PTPRD: variants seen among roughly 807,000 people sequenced by gnomAD.
PTPRD encodes receptor-type tyrosine-protein phosphatase delta.
In PTPRD, 34 loss-of-function variants were observed where a neutral mutation model predicts 214.5. That is an observed-to-expected ratio of 0.16 (90% CI 0.12 to 0.21). The LOEUF (loss-of-function observed/expected upper bound fraction) is 0.21. Among genes scored for constraint, PTPRD ranks in the 10% least tolerant of loss-of-function variants. The pLI is 1.00. For synonymous variants in PTPRD, 1,128 were observed against 845.7 expected (o/e 1.33, Z -5.79); for missense variants, 2,545 against 2,398.7 (o/e 1.06, Z -1.27).
chr9:10,421,324 T>A (rs940764710), intron 2 of PTPRD, among the ~76,000 whole-genome samples: 1 of 151,878 alleles, frequency 6.6e-6, no homozygotes, highest in African/African-American at 2.4e-5. Flanking sequence ...CACACACTCA[T>A]GTTTATTCTT....
rs911752723 is a variant in PTPRD, at chr9:9,459,733, T to A, written c.-236-62251A>T. On this transcript the variant is annotated intron_variant, in intron 8 of 45. Transcript: ENST00000381196. ...ATAGAAAACATCCCATGCTCATGAATAGGAATAATCAATATCATTAAAATG... is the reference window on the plus strand; with the variant it reads ...ATAGAAAACATCCCATGCTCATGAAAAGGAATAATCAATATCATTAAAATG... 2.0e-4 allele frequency among the ~76,000 whole-genome samples: 30 copies of A among 152,226 alleles called. 1 individual carries two copies. Among genetic ancestry groups the A allele is most frequent in the Admixed American group, 8.5e-4 (13 of 15,268 alleles).
chr9:9,605,253 T>C (rs2094073949), intron 7 of PTPRD, among the ~76,000 whole-genome samples: 4 of 152,192 alleles, frequency 2.6e-5, no homozygotes, highest in Non-Finnish European at 4.4e-5. Context: ...CGATTCAGTG[T>C]ACCTAATATG....
chr9:8,798,128 T>C (rs1444086060), intron 11 of PTPRD, among the ~76,000 whole-genome samples: 1 of 152,186 alleles, frequency 6.6e-6, no homozygotes, highest in Non-Finnish European at 1.5e-5. Flanking sequence ...ATATGATAAT[T>C]AGAACATTTT....
chr9:10,099,020 G>C (rs1044502421), intron 3 of PTPRD, among the ~76,000 whole-genome samples: 1 of 151,696 alleles, frequency 6.6e-6, no homozygotes, highest in Non-Finnish European at 1.5e-5. Context: ...ATCATCTTTT[G>C]GAACATTCTA....
At chr9:10,141,287 A>G (rs1175330842) in intron 3 of PTPRD, among the ~76,000 whole-genome samples, 1 of 152,146 alleles carries the variant, frequency 6.6e-6, no homozygotes, top group Non-Finnish European at 1.5e-5. Flanking sequence ...AGGGCATTCA[A>G]TTAGGAAAAG....
intron 3 of PTPRD, among the ~76,000 whole-genome samples, chr9:10,195,362 G>T (rs1179897331): frequency 2.0e-5 from 3 of 151,930 alleles, no homozygotes; most frequent in Non-Finnish European, 4.4e-5. Context: ...TTTTGTTAGA[G>T]ACCCCAATTT....
intron 10 of PTPRD, among the ~76,000 whole-genome samples, chr9:9,069,600 G>A (rs1035771179): frequency 1.3e-5 from 2 of 152,184 alleles, no homozygotes; most frequent in African/African-American, 2.4e-5. Context: ...AGGCCTTCAA[G>A]CCAGCAAAGT....
chr9:10,379,637 T>C (rs1002430100), intron 2 of PTPRD, among the ~76,000 whole-genome samples: 1 of 152,082 alleles, frequency 6.6e-6, no homozygotes, highest in Non-Finnish European at 1.5e-5. Context: ...ATTTGTATTC[T>C]GTTAAAAAGT....
At chr9:9,413,001 T>A (rs2075922685) in intron 8 of PTPRD, among the ~76,000 whole-genome samples, 1 of 151,562 alleles carries the variant, frequency 6.6e-6, no homozygotes, top group Non-Finnish European at 1.5e-5. Flanking sequence ...CCACAATGCA[T>A]CAGATACTCC....
At chr9:9,897,365 C>G (rs2075286564) in intron 5 of PTPRD, among the ~76,000 whole-genome samples, 1 of 151,624 alleles carries the variant, frequency 6.6e-6, no homozygotes, top group Non-Finnish European at 1.5e-5. Context: ...ACACTTCCAC[C>G]AAGAGTTTTT....
chr9:9,935,883 T>C (rs1208473041), intron 5 of PTPRD, among the ~76,000 whole-genome samples: 2 of 149,604 alleles, frequency 1.3e-5, no homozygotes, highest in East Asian at 3.9e-4. Flanking sequence ...AACAGAGATA[T>C]AGATCAATGG....
intron 5 of PTPRD, among the ~76,000 whole-genome samples, chr9:9,926,048 C>A (rs1305808605): frequency 6.6e-6 from 1 of 151,902 alleles, no homozygotes; most frequent in Admixed American, 6.6e-5. Context: ...CCAGGCTGGT[C>A]TAGACTCCCA....
At chr9:8,953,731 A>G (rs916886759) in intron 11 of PTPRD, among the ~76,000 whole-genome samples, 1 of 152,124 alleles carries the variant, frequency 6.6e-6, no homozygotes, top group African/African-American at 2.4e-5. Flanking sequence ...CAAGCAACCC[A>G]CAAACATATG....
At chr9:10,421,368 C>A (rs1172848392) in intron 2 of PTPRD, among the ~76,000 whole-genome samples, 1 of 151,842 alleles carries the variant, frequency 6.6e-6, no homozygotes, top group Admixed American at 6.6e-5. Flanking sequence ...GCAATGTTGG[C>A]AACATTAGAT....
intron 36 of PTPRD, among the ~76,000 whole-genome samples, chr9:8,389,711 T>C (rs1322307465): frequency 2.6e-5 from 4 of 152,060 alleles, no homozygotes; most frequent in Admixed American, 2.0e-4. Context: ...GCAAAAAAAA[T>C]AGTTTCCAAA....
rs150066655 is a variant in PTPRD at position 10,580,967 on chromosome 9, C to G, written c.-600+31431G>C. On this transcript the variant is annotated intron_variant, in intron 2 of 45. Coordinates refer to ENST00000381196, the MANE Select transcript of PTPRD (RefSeq NM_002839.4). Reference sequence around the variant, plus strand: ...ATGTTTGTCAGAGAAGCACTGTTCTCACAGTAAAAGGCAGCAAAGCACAGG... The same window carrying G: ...ATGTTTGTCAGAGAAGCACTGTTCTGACAGTAAAAGGCAGCAAAGCACAGG... Among the ~76,000 whole-genome samples, 1,235 of 152,224 alleles carry G rather than the reference C, an allele frequency of 8.1e-3. 10 individuals are homozygous for G. The highest frequency in any genetic ancestry group is 0.017 in the Middle Eastern group (5 of 294).
chr9:8,536,230 G>A (rs1042222613), intron 14 of PTPRD, among the ~76,000 whole-genome samples: 1 of 151,758 alleles, frequency 6.6e-6, no homozygotes, highest in Non-Finnish European at 1.5e-5. Flanking sequence ...TCATCATGTA[G>A]TGATGAAACT....
chr9:9,570,164 T>C (rs2085924345), intron 8 of PTPRD, among the ~76,000 whole-genome samples: 1 of 151,576 alleles, frequency 6.6e-6, no homozygotes, highest in Non-Finnish European at 1.5e-5. Flanking sequence ...TCATTTATGT[T>C]ACCAAAACTT....
At chr9:9,918,397 G>C (rs1361547928) in intron 5 of PTPRD, among the ~76,000 whole-genome samples, 1 of 129,874 alleles carries the variant, frequency 7.7e-6, no homozygotes, top group Non-Finnish European at 1.7e-5. Context: ...ACAAAACATT[G>C]ATAAAAATAA....
Sources: gnomAD v4.1 joint callset for allele counts (sites outside exome capture counted in the v4.1 genomes callset) on GRCh38, gnomAD v4.1.1 for gene constraint, MANE v1.5 for transcripts, NCBI Gene and HGNC (gene_info 2026-07-23, HGNC 2026-07-21) for gene names.